TAFA1: variants seen among roughly 807,000 people sequenced by gnomAD.
TAFA1 encodes TAFA chemokine like family member 1, also known as chemokine-like protein TAFA-1.
TAFA1 carries 4 observed loss-of-function variants against 18.5 expected under a neutral mutation model. That is an observed-to-expected ratio of 0.22 (90% CI 0.11 to 0.49). The LOEUF (loss-of-function observed/expected upper bound fraction) is 0.49. TAFA1 is among the 20% of genes least tolerant of loss of function. The pLI is 0.98. For missense variants in TAFA1, 147 were observed against 169.0 expected (o/e 0.87, Z 0.72); for synonymous variants, 56 against 55.2 (o/e 1.01, Z -0.06).
chr3:68,082,174 G>A (rs551697422), intron 2 of TAFA1, among the ~76,000 whole-genome samples: 30 of 143,490 alleles, frequency 2.1e-4, no homozygotes, highest in African/African-American at 5.4e-4. Flanking sequence ...GCTTCGGCTC[G>A]CGCATGGTGT....
chr3:68,514,187 T>C (rs1356814917), intron 3 of TAFA1, among the ~76,000 whole-genome samples: 1 of 152,176 alleles, frequency 6.6e-6, no homozygotes, highest in Non-Finnish European at 1.5e-5. Flanking sequence ...AGGAATTCAA[T>C]GTATGAATTC....
chr3:68,051,850 C>T (rs2064474843), intron 2 of TAFA1, among the ~76,000 whole-genome samples: 1 of 152,034 alleles, frequency 6.6e-6, no homozygotes, highest in African/African-American at 2.4e-5. Context: ...GCTGACAAAA[C>T]TACATAATTA....
At chr3:68,265,621 C>T (rs977565461) in intron 2 of TAFA1, among the ~76,000 whole-genome samples, 2 of 152,170 alleles carry the variant, frequency 1.3e-5, no homozygotes, top group Non-Finnish European at 2.9e-5. Flanking sequence ...CTGGGTTCAC[C>T]TCCAGGCCTG....
At chr3:68,120,468 C>T (rs904762076) in intron 2 of TAFA1, among the ~76,000 whole-genome samples, 7 of 151,978 alleles carry the variant, frequency 4.6e-5, no homozygotes, top group African/African-American at 1.7e-4. Context: ...AGGCTGGTCT[C>T]GAACTCCTGA....
In TAFA1 at chr3:68,164,338, T is replaced by G. The variant is rs12630081; in HGVS notation, c.118+157594T>G. ...ATTGTGGAATTCACACACACTCAAG[T>G]AGAATTCTGAAAAGGGCCTTTAAGG... On this transcript the variant is annotated intron_variant, in intron 2 of 4. Transcript: ENST00000478136. Among the ~76,000 whole-genome samples, 43 of 152,326 alleles carry G rather than the reference T, an allele frequency of 2.8e-4. No homozygotes were observed. In the East Asian group the frequency reaches 8.1e-3, roughly 29 times the overall value.
rs1209218503 is a variant in TAFA1, at chr3:68,154,782, C to A, written c.118+148038C>A. On this transcript the variant is annotated intron_variant, in intron 2 of 4. Transcript: ENST00000478136. ...TCATTTTCTTAAGTACACACGCACCCCACACACTTCTATTCTCCCCAGTGC... is the reference window on the plus strand; with the variant it reads ...TCATTTTCTTAAGTACACACGCACCACACACACTTCTATTCTCCCCAGTGC... Among the ~76,000 whole-genome samples, 3 of 152,108 alleles carry A rather than the reference C, an allele frequency of 2.0e-5. No homozygotes were observed. The East Asian group carries it at 5.8e-4, about 29-fold the overall frequency.
chr3:68,222,228 G>T (rs563755235), intron 2 of TAFA1, among the ~76,000 whole-genome samples: 1 of 152,202 alleles, frequency 6.6e-6, no homozygotes, highest in Admixed American at 6.6e-5. Flanking sequence ...GCCCTTTAGC[G>T]CAAACTTCAT....
chr3:68,141,951 T>A (rs2065672043), intron 2 of TAFA1, among the ~76,000 whole-genome samples: 1 of 152,198 alleles, frequency 6.6e-6, no homozygotes, highest in African/African-American at 2.4e-5. Context: ...ATGTTCTCCC[T>A]CCCAGGTCAC....
intron 2 of TAFA1, among the ~76,000 whole-genome samples, chr3:68,110,424 G>A (rs567025933): frequency 2.6e-5 from 4 of 152,240 alleles, no homozygotes; most frequent in South Asian, 4.1e-4. Flanking sequence ...TGTGAATAGT[G>A]CTGCAATGAA....
chr3:68,097,839 A>G (rs1217174830), intron 2 of TAFA1, among the ~76,000 whole-genome samples: 1 of 152,174 alleles, frequency 6.6e-6, no homozygotes, highest in Non-Finnish European at 1.5e-5. Context: ...AGGGAAGGGA[A>G]TAAAGAGTTG....
chr3:68,148,504 C>A (rs2065769018), intron 2 of TAFA1, among the ~76,000 whole-genome samples: 1 of 152,182 alleles, frequency 6.6e-6, no homozygotes, highest in South Asian at 2.1e-4. Flanking sequence ...ACAGTTCACA[C>A]CAGGCCCTTG....
rs564703747 is a variant in TAFA1, at chr3:68,145,106, C to T, written c.118+138362C>T. Reference sequence around the variant, plus strand: ...GGCCCCTGGAGGAATTGCTACACCCCCAGTGTATGGTCAGCGTCTAGCTTT... The same window carrying T: ...GGCCCCTGGAGGAATTGCTACACCCTCAGTGTATGGTCAGCGTCTAGCTTT... On this transcript the variant is annotated intron_variant, in intron 2 of 4. Transcript: ENST00000478136. 5.2e-5 allele frequency: 55 copies of T among 1,059,252 alleles called. No individual in the cohort carries two copies. The African/African-American group carries it at 7.4e-4, about 14-fold the overall frequency. 65.6% of individuals were successfully genotyped at this position (1,059,252 alleles called of 1,614,324 possible).
chr3:68,469,222 C>T (rs959481461), intron 3 of TAFA1, among the ~76,000 whole-genome samples: 21 of 151,320 alleles, frequency 1.4e-4, no homozygotes, highest in African/African-American at 5.1e-4. Flanking sequence ...TATTAAAATA[C>T]TAGTATACTA....
chr3:68,164,604 A>C (rs1296640500), intron 2 of TAFA1, among the ~76,000 whole-genome samples: 1 of 148,808 alleles, frequency 6.7e-6, no homozygotes, highest in Non-Finnish European at 1.5e-5. Context: ...TCATGATCTC[A>C]TCTACCACAT....
intron 2 of TAFA1, among the ~76,000 whole-genome samples, chr3:68,089,886 TA>T (rs2065012047): frequency 1.3e-5 from 2 of 152,204 alleles, no homozygotes; most frequent in South Asian, 4.1e-4. Flanking sequence ...ATTTCTAGTT[TA>T]AAAACATGTT....
chr3:68,172,546 G>A (rs2066069465), intron 2 of TAFA1, among the ~76,000 whole-genome samples: 1 of 152,064 alleles, frequency 6.6e-6, no homozygotes, highest in Non-Finnish European at 1.5e-5. Context: ...TCCACTGCTA[G>A]GTATTTGCCA....
intron 3 of TAFA1, among the ~76,000 whole-genome samples, chr3:68,532,568 C>T (rs2073207169): frequency 6.6e-6 from 1 of 152,122 alleles, no homozygotes. Context: ...TCTACAGCCC[C>T]TCTGAGTAGC....
At chr3:68,403,189 G>A (rs1391445719) in intron 2 of TAFA1, among the ~76,000 whole-genome samples, 1 of 152,138 alleles carries the variant, frequency 6.6e-6, no homozygotes, top group Non-Finnish European at 1.5e-5. Flanking sequence ...TACCATCTAG[G>A]TTTGTGTAAG....
At chr3:68,442,225 A>T (rs1181301702) in intron 3 of TAFA1, among the ~76,000 whole-genome samples, 1 of 152,162 alleles carries the variant, frequency 6.6e-6, no homozygotes, top group Non-Finnish European at 1.5e-5. Flanking sequence ...TATTTCTTAC[A>T]GTTGTGGACA....
Sources: gnomAD v4.1 joint callset for allele counts (sites outside exome capture counted in the v4.1 genomes callset) on GRCh38, gnomAD v4.1.1 for gene constraint, MANE v1.5 for transcripts, NCBI Gene and HGNC (gene_info 2026-07-23, HGNC 2026-07-21) for gene names.